CPNE4: variants seen among roughly 807,000 people sequenced by gnomAD.
CPNE4 encodes copine-4.
CPNE4 carries 25 observed loss-of-function variants against 67.9 expected under a neutral mutation model. The ratio of observed to expected loss-of-function variants is 0.37; its 90% CI spans 0.27 to 0.51. The LOEUF (loss-of-function observed/expected upper bound fraction) is 0.51, where lower values mean the gene tolerates loss of function less well. Among genes scored for constraint, CPNE4 ranks in the 20% least tolerant of loss-of-function variants. CPNE4 has a pLI of 0.93. For missense variants in CPNE4, 464 were observed against 690.8 expected (o/e 0.67, Z 3.68); for synonymous variants, 242 against 244.9 (o/e 0.99, Z 0.11).
intron 2 of CPNE4, among the ~76,000 whole-genome samples, chr3:131,750,736 T>G (rs2082605635): frequency 6.6e-6 from 1 of 152,154 alleles, no homozygotes; most frequent in African/African-American, 2.4e-5. Flanking sequence ...TATATTTTTG[T>G]GTACTGCCTT....
chr3:131,667,502 G>T (rs1231940497), intron 7 of CPNE4, among the ~76,000 whole-genome samples: 1 of 151,942 alleles, frequency 6.6e-6, no homozygotes, highest in Non-Finnish European at 1.5e-5. Context: ...AGTAGCTAGG[G>T]TTGCTGTTAA....
At chr3:131,640,185 A>C (rs748451284) in intron 7 of CPNE4, among the ~76,000 whole-genome samples, 3 of 152,198 alleles carry the variant, frequency 2.0e-5, no homozygotes, top group Non-Finnish European at 4.4e-5. Flanking sequence ...AAAGAAATAA[A>C]GGGCATCCAA....
At chr3:131,741,311 A>T (rs1337789035) in intron 2 of CPNE4, among the ~76,000 whole-genome samples, 1 of 152,214 alleles carries the variant, frequency 6.6e-6, no homozygotes, top group Non-Finnish European at 1.5e-5. Context: ...CAACCAAGAT[A>T]GGTATACCAG....
intron 2 of CPNE4, among the ~76,000 whole-genome samples, chr3:131,836,417 T>C (rs1424709089): frequency 5.3e-5 from 8 of 152,142 alleles, no homozygotes; most frequent in Admixed American, 4.6e-4. Context: ...CCATTTGTGC[T>C]AAAAACTCTC....
intron 2 of CPNE4, among the ~76,000 whole-genome samples, chr3:131,740,857 A>G (rs2082339801): frequency 6.6e-6 from 1 of 152,144 alleles, no homozygotes; most frequent in Non-Finnish European, 1.5e-5. Flanking sequence ...CTGATCTCAT[A>G]TAATACCACT....
chr3:131,708,959 TATATATATATA>T (rs915162055), intron 3 of CPNE4, among the ~76,000 whole-genome samples: 4 of 55,708 alleles, frequency 7.2e-5, no homozygotes, highest in African/African-American at 4.4e-4. Flanking sequence ...GGCATAAAGA[TATATATATATA>T]TATATATATA....
chr3:131,798,060 A>G (rs1239590283), intron 2 of CPNE4, among the ~76,000 whole-genome samples: 1 of 152,130 alleles, frequency 6.6e-6, no homozygotes, highest in Non-Finnish European at 1.5e-5. Context: ...TTATAAGGGC[A>G]CCAGCCCTAT....
At chr3:131,767,249 C>T (rs2083042733) in intron 2 of CPNE4, among the ~76,000 whole-genome samples, 1 of 114,552 alleles carries the variant, frequency 8.7e-6, no homozygotes, top group Admixed American at 9.6e-5. Flanking sequence ...GTGGAAGGTG[C>T]TAAGTGTGAG....
intron 2 of CPNE4, among the ~76,000 whole-genome samples, chr3:131,820,439 T>C (rs1428290137): frequency 6.6e-6 from 1 of 152,226 alleles, no homozygotes; most frequent in African/African-American, 2.4e-5. Flanking sequence ...TGATCGTTGG[T>C]GAGGGGGCTC....
At chr3:131,632,744 C>A (rs143953488) in intron 7 of CPNE4, among the ~76,000 whole-genome samples, 1 of 152,260 alleles carries the variant, frequency 6.6e-6, no homozygotes, top group East Asian at 1.9e-4. Flanking sequence ...CCTTGAGCAC[C>A]TTTTCTTCTC....
intron 2 of CPNE4, among the ~76,000 whole-genome samples, chr3:131,853,318 G>T (rs1383557238): frequency 6.6e-6 from 1 of 151,664 alleles, no homozygotes; most frequent in Admixed American, 6.6e-5. Flanking sequence ...AATTCAATAT[G>T]GAAAAAAGCG....
intron 3 of CPNE4, among the ~76,000 whole-genome samples, chr3:131,706,541 G>A (rs1303686559): frequency 6.6e-6 from 1 of 152,154 alleles, no homozygotes; most frequent in Non-Finnish European, 1.5e-5. Context: ...TCTTGGCCAA[G>A]GGCATTCCAA....
chr3:131,584,154 G>A (rs77421245), intron 8 of CPNE4, among the ~76,000 whole-genome samples: 9,129 of 151,954 alleles, frequency 0.06, 338 homozygotes, highest in Middle Eastern at 0.075. Flanking sequence ...TTTTTTCTCT[G>A]ATGCTACATA....
chr3:131,924,215 T>G (rs1242521646), intron 1 of CPNE4, among the ~76,000 whole-genome samples: 2 of 152,192 alleles, frequency 1.3e-5, no homozygotes, highest in African/African-American at 4.8e-5. Context: ...GCTAAGTCCT[T>G]ATTTGTTTCC....
chr3:131,667,263 G>GA (rs2080288807), intron 7 of CPNE4, among the ~76,000 whole-genome samples: 1 of 151,712 alleles, frequency 6.6e-6, no homozygotes, highest in Non-Finnish European at 1.5e-5. Context: ...TTCTGATTTT[G>GA]AAAGAAATTA....
At chr3:131,767,566 G>A (rs1010887242) in intron 2 of CPNE4, among the ~76,000 whole-genome samples, 2 of 151,862 alleles carry the variant, frequency 1.3e-5, no homozygotes, top group Non-Finnish European at 2.9e-5. Flanking sequence ...TTTTCCCTTT[G>A]GGCAAGGAGA....
At chr3:131,874,214 G>T (rs943038455) in intron 2 of CPNE4, among the ~76,000 whole-genome samples, 3 of 151,508 alleles carry the variant, frequency 2.0e-5, no homozygotes, top group African/African-American at 4.8e-5. Flanking sequence ...TCAGCCCCCC[G>T]AGTAGCTGAG....
At position 131,601,759 on chromosome 3, in the gene CPNE4, C is replaced by T. The variant is rs981223114; in HGVS notation, c.682-14177G>A. On this transcript the variant is annotated intron_variant, in intron 7 of 15. Coordinates refer to ENST00000429747, the MANE Select transcript of CPNE4 (RefSeq NM_130808.3). The stretch of plus-strand genomic sequence containing the variant: ...TCTGTCCAGTTAAGGCTCTCTTCTT[C>T]CCTCAGATTACATGCCCCAGAGATG... Among the ~76,000 whole-genome samples, 168 of 152,192 alleles carry T rather than the reference C, an allele frequency of 1.1e-3. 2 individuals carry two copies. The highest frequency in any genetic ancestry group is 0.011 in the Admixed American group (167 of 15,290).
intron 2 of CPNE4, among the ~76,000 whole-genome samples, chr3:131,893,885 T>C (rs1416871268): frequency 6.6e-6 from 1 of 151,628 alleles, no homozygotes; most frequent in African/African-American, 2.4e-5. Flanking sequence ...AACAACCTAA[T>C]AGTGCACCTC....
Sources: allele counts gnomAD v4.1 joint callset (sites outside exome capture counted in the v4.1 genomes callset), GRCh38; gene constraint gnomAD v4.1.1; transcripts MANE v1.5; gene names NCBI Gene and HGNC (gene_info 2026-07-23, HGNC 2026-07-21).